The following SNTG2 variants were observed in gnomAD, a reference collection of about 807,000 sequenced individuals.
SNTG2 encodes the protein gamma-2-syntrophin.
Under a neutral mutation model 70.9 loss-of-function variants are expected in SNTG2, and 74 were observed. That is an observed-to-expected ratio of 1.04 (90% CI 0.86 to 1.27). The LOEUF (loss-of-function observed/expected upper bound fraction) is 1.27, where lower values mean the gene tolerates loss of function less well. Among genes scored for constraint, SNTG2 ranks in the 50% most tolerant of loss-of-function variants. The probability of loss-of-function intolerance (pLI) is 0.00; values close to 1 mark genes in which losing one functional copy is unlikely to be tolerated. For synonymous variants in SNTG2, 278 were observed against 273.8 expected (o/e 1.02, Z -0.15); for missense variants, 717 against 690.7 (o/e 1.04, Z -0.43).
intron 6 of SNTG2, among the ~76,000 whole-genome samples, chr2:1,155,284 A>G (rs1220155986): frequency 6.6e-6 from 1 of 151,366 alleles, no homozygotes; most frequent in Non-Finnish European, 1.5e-5. Context: ...CCCACATAAC[A>G]TACACATACC....
At chr2:1,021,186 T>A (rs1188485422) in intron 1 of SNTG2, among the ~76,000 whole-genome samples, 1 of 152,164 alleles carries the variant, frequency 6.6e-6, no homozygotes, top group Non-Finnish European at 1.5e-5. Context: ...ATTTTTTGAG[T>A]ATTATTACAT....
At chr2:1,095,228 G>A (rs1665316606) in intron 2 of SNTG2, among the ~76,000 whole-genome samples, 1 of 152,170 alleles carries the variant, frequency 6.6e-6, no homozygotes, top group African/African-American at 2.4e-5. Flanking sequence ...TCACACTGGA[G>A]GTCAGGACTT....
At chr2:1,247,877 T>A (rs1677526730) in intron 12 of SNTG2, among the ~76,000 whole-genome samples, 1 of 152,228 alleles carries the variant, frequency 6.6e-6, no homozygotes, top group Non-Finnish European at 1.5e-5. Flanking sequence ...AGCAGCCTGC[T>A]TTAGTGGGGT....
Position 1,173,193 on chromosome 2 carries a change from T to G in SNTG2, c.591+10T>G. ...AAACTCCAGTACCACAGTAAGCATA[T>G]AGATTTTTGTTAAATTTTATTTTAA... On this transcript the variant is annotated intron_variant, in intron 8 of 16. Transcript: ENST00000308624. 1.9e-6 allele frequency: 3 copies of G among 1,611,086 alleles called. No homozygotes were observed. Among genetic ancestry groups the G allele is most frequent in the Non-Finnish European group, 1.7e-6 (2 of 1,177,826 alleles).
chr2:1,308,726 G>A, intron 15 of SNTG2, 140 bp downstream of exon 15: 1 of 701,438 alleles, frequency 1.4e-6, no homozygotes. Flanking sequence ...TGCTTTCATA[G>A]ACTTTTTTTT....
At chr2:1,170,432 T>A (rs1207277554) in intron 7 of SNTG2, among the ~76,000 whole-genome samples, 3 of 152,146 alleles carry the variant, frequency 2.0e-5, no homozygotes. Context: ...TTCCTGTCTC[T>A]TTGTGGGTAA....
At chr2:1,281,341 GTA>G (rs1203544540) in intron 14 of SNTG2, among the ~76,000 whole-genome samples, 1 of 73,822 alleles carries the variant, frequency 1.4e-5, no homozygotes, top group Admixed American at 1.5e-4. Context: ...GTGTGTGGTG[GTA>G]TGTGTGTGCT....
intron 4 of SNTG2, among the ~76,000 whole-genome samples, chr2:1,133,412 AT>A (rs1235730003): frequency 6.6e-6 from 1 of 152,210 alleles, no homozygotes; most frequent in African/African-American, 2.4e-5. Context: ...TAACCCTATA[AT>A]TACTTTATCT....
chr2:1,259,667 G>T (rs894873562), intron 13 of SNTG2, among the ~76,000 whole-genome samples: 50 of 152,226 alleles, frequency 3.3e-4, no homozygotes, highest in African/African-American at 1.2e-3. Flanking sequence ...GGGTGTGTCT[G>T]TGTTTATGTG....
chr2:1,025,004 G>C (rs13415684), intron 1 of SNTG2, among the ~76,000 whole-genome samples: 1 of 152,146 alleles, frequency 6.6e-6, no homozygotes, highest in South Asian at 2.1e-4. Flanking sequence ...TACACTCTAC[G>C]TGGATTAGAT....
At chr2:1,064,799 A>G (rs1341709627) in intron 1 of SNTG2, among the ~76,000 whole-genome samples, 6 of 152,200 alleles carry the variant, frequency 3.9e-5, no homozygotes, top group Admixed American at 3.9e-4. Context: ...CACGGCAAAC[A>G]TGGTGAAATC....
rs375174404 is a variant in SNTG2 at position 1,067,833 on chromosome 2, G to C, written c.73-15685G>C. On this transcript the variant is annotated intron_variant, in intron 1 of 16. Transcript: ENST00000308624. ...TGACCCCCACCCGTAAATCATGCCT[G>C]GGTGCAACACAGGCTTCTGTACGCA... Among the ~76,000 whole-genome samples, 286 of 152,296 alleles carry C rather than the reference G, an allele frequency of 1.9e-3. 6 individuals are homozygous for C. In the South Asian group the frequency reaches 0.019, roughly 10 times the overall value.
chr2:972,965 A>T (rs1370013596), intron 1 of SNTG2, among the ~76,000 whole-genome samples: 1 of 152,246 alleles, frequency 6.6e-6, no homozygotes. Flanking sequence ...ATCTACTACT[A>T]TGTGACAGTA....
chr2:1,080,240 A>G (rs1441320437), intron 1 of SNTG2, among the ~76,000 whole-genome samples: 1 of 150,944 alleles, frequency 6.6e-6, no homozygotes, highest in African/African-American at 2.5e-5. Flanking sequence ...TGCTAGGGAG[A>G]TTCCTAGGTC....
chr2:1,082,212 G>A (rs1664370055), intron 1 of SNTG2, among the ~76,000 whole-genome samples: 1 of 152,176 alleles, frequency 6.6e-6, no homozygotes, highest in African/African-American at 2.4e-5. Context: ...CTACTTAATG[G>A]AGGCATTTGA....
chr2:1,205,238 G>C (rs1474817980), intron 8 of SNTG2, among the ~76,000 whole-genome samples: 1 of 152,166 alleles, frequency 6.6e-6, no homozygotes, highest in Non-Finnish European at 1.5e-5. Context: ...TGGGAACCTT[G>C]TAAGTGGTTG....
intron 4 of SNTG2, among the ~76,000 whole-genome samples, chr2:1,134,900 A>G (rs540817528): frequency 6.6e-6 from 1 of 152,316 alleles, no homozygotes; most frequent in Admixed American, 6.5e-5. Context: ...GAGAGAAATC[A>G]AGCGCAACAC....
At chr2:962,995 T>C (rs190774079) in intron 1 of SNTG2, among the ~76,000 whole-genome samples, 113 of 152,300 alleles carry the variant, frequency 7.4e-4, no homozygotes, top group African/African-American at 2.6e-3. Flanking sequence ...ATTTTTGGCG[T>C]GGTAACATGA....
At chr2:1,243,896 C>A (rs181930702) in intron 11 of SNTG2, among the ~76,000 whole-genome samples, 2 of 152,132 alleles carry the variant, frequency 1.3e-5, no homozygotes, top group Non-Finnish European at 2.9e-5. Context: ...CGTGGTGGCA[C>A]GCGCCTGTAA....
Sources: gnomAD v4.1 joint callset for allele counts (sites outside exome capture counted in the v4.1 genomes callset) on GRCh38, gnomAD v4.1.1 for gene constraint, MANE v1.5 for transcripts, NCBI Gene and HGNC (gene_info 2026-07-23, HGNC 2026-07-21) for gene names.